FAM124B: variants seen among roughly 807,000 people sequenced by gnomAD.
FAM124B encodes family with sequence similarity 124 member B, also known as protein FAM124B.
Under a neutral mutation model 19.7 loss-of-function variants are expected in FAM124B, and 18 were observed. That is an observed-to-expected ratio of 0.92 (90% CI 0.63 to 1.36). The LOEUF is 1.36. Ranked by LOEUF, FAM124B falls within the 40% of genes most tolerant of loss-of-function variation. The probability of loss-of-function intolerance (pLI) is 0.00; values close to 1 mark genes in which losing one functional copy is unlikely to be tolerated. For synonymous variants in FAM124B, 223 were observed against 225.2 expected (o/e 0.99, Z 0.09); for missense variants, 540 against 553.3 (o/e 0.98, Z 0.24).
In FAM124B at chr2:224,401,054, T is replaced by C; in HGVS notation, c.715A>G (p.Asn239Asp). 2 of 1,601,032 alleles carry C rather than the reference T, an allele frequency of 1.2e-6. No individual in the cohort carries two copies. The highest frequency in any genetic ancestry group is 1.7e-6 in the Non-Finnish European group (2 of 1,172,110). ...AGAAATACCTGAAGCAGAATCTTGT[T>C]GCCATCGTAGTCCTGAGTCTGCCAC... ...TRWQTQDYDG[N>D]KILLQVQLNP... The change falls in exon 1 of 2, where the codon AAC becomes GAC. Residue 239 changes from asparagine (N) to aspartate (D), a missense_variant. By Grantham distance (23) the Asn-to-Asp change is conservative. Coordinates refer to ENST00000409685, the MANE Select transcript of FAM124B (RefSeq NM_001122779.2).
rs1003536186 is a variant in FAM124B at position 224,401,871 on chromosome 2, A to G, written c.-103T>C. On this transcript the variant is annotated 5_prime_UTR_variant, in exon 1 of 2. Coordinates refer to ENST00000409685, the MANE Select transcript of FAM124B (RefSeq NM_001122779.2). The stretch of plus-strand genomic sequence containing the variant: ...CGGCCCAGCCTTCAGCCCGCCTGAA[A>G]ACCTTCAGCTGCAGCGGCTACTTCT... 41 of 1,374,662 alleles carry G rather than the reference A, an allele frequency of 3.0e-5. No individual in the cohort carries two copies. The African/African-American group carries it at 5.8e-4, about 19-fold the overall frequency. The allele number at this position is 1,374,662 out of a possible 1,614,324, so 85.2% of individuals were successfully genotyped here.
At chr2:224,391,125 G>A (rs1173796010) in intron 1 of FAM124B, among the ~76,000 whole-genome samples, 1 of 150,680 alleles carries the variant, frequency 6.6e-6, no homozygotes, top group Non-Finnish European at 1.5e-5. Context: ...GGTGGATCAC[G>A]AGGTCAGGAG....
chr2:224,385,273 G>A (rs1689785764), intron 1 of FAM124B, among the ~76,000 whole-genome samples: 1 of 152,180 alleles, frequency 6.6e-6, no homozygotes, highest in African/African-American at 2.4e-5. Context: ...TATTTCTTGA[G>A]CTCTTGGTAG....
At position 224,379,362 on chromosome 2, in the gene FAM124B, G is replaced by T. The variant is rs1689674271; in HGVS notation, c.*211C>A. On this transcript the variant is annotated 3_prime_UTR_variant, in exon 2 of 2. Transcript: ENST00000409685. ...ATTCGGTTTTTTTCCCTGTGTGTTG[G>T]CTGTGTTCTCTTATGACTGTGACGG... is the stretch of plus-strand genomic sequence containing the variant. The T allele has an allele frequency of 3.0e-6, 2 of 675,620 alleles. No individual in the cohort carries two copies. The highest frequency in any genetic ancestry group is 4.6e-6 in the Non-Finnish European group (2 of 437,612). The allele number at this position is 675,620 out of a possible 1,614,324, so 41.9% of individuals were successfully genotyped here.
chr2:224,391,856 T>C (rs911653642), intron 1 of FAM124B, among the ~76,000 whole-genome samples: 1 of 152,220 alleles, frequency 6.6e-6, no homozygotes, highest in Non-Finnish European at 1.5e-5. Flanking sequence ...CATATAAATG[T>C]TCATTAAATG....
At chr2:224,385,105 C>A (rs1345462074) in intron 1 of FAM124B, among the ~76,000 whole-genome samples, 1 of 152,162 alleles carries the variant, frequency 6.6e-6, no homozygotes, top group Non-Finnish European at 1.5e-5. Context: ...ATTTTCTCTA[C>A]CCATGCCACT....
At chr2:224,396,809 G>A (rs1053110944) in intron 1 of FAM124B, among the ~76,000 whole-genome samples, 1 of 152,206 alleles carries the variant, frequency 6.6e-6, no homozygotes. Flanking sequence ...GTGGGGCAAG[G>A]CACTTGGAAT....
intron 1 of FAM124B, among the ~76,000 whole-genome samples, chr2:224,389,029 C>G (rs922307837): frequency 1.3e-5 from 2 of 152,188 alleles, no homozygotes; most frequent in Admixed American, 6.5e-5. Context: ...ACCTCCCAGG[C>G]TCAACCAATT....
chr2:224,394,094 T>C (rs1689931900), intron 1 of FAM124B, among the ~76,000 whole-genome samples: 1 of 152,048 alleles, frequency 6.6e-6, no homozygotes, highest in African/African-American at 2.4e-5. Flanking sequence ...GACACCACAA[T>C]CTCCTCGTCC....
intron 1 of FAM124B, among the ~76,000 whole-genome samples, chr2:224,391,917 C>T (rs934081451): frequency 3.9e-5 from 6 of 152,018 alleles, no homozygotes; most frequent in South Asian, 2.1e-4. Context: ...AGGTAGATTA[C>T]GAAAAGCTAT....
In FAM124B at chr2:224,401,691, C is replaced by T; in HGVS notation, c.78G>A (p.Arg26=). The T allele has an allele frequency of 6.2e-7, 1 of 1,614,172 alleles. No individual in the cohort carries two copies. Among genetic ancestry groups the T allele is most frequent in the Non-Finnish European group, 8.5e-7 (1 of 1,180,048 alleles). ...TGCAATCCAGGAGCTGGTCCAGAGT[C>T]CTCTGCAGAAGGGAGCCGTGCCCAG... ...ANSGHGSLLQ[R]TLDQLLDCIC... The change falls in exon 1 of 2, where the codon AGG becomes AGA. Residue 26 remains arginine (R), a synonymous_variant. Transcript: ENST00000409685.
intron 1 of FAM124B, among the ~76,000 whole-genome samples, chr2:224,398,889 A>G (rs192712967): frequency 6.6e-5 from 10 of 152,332 alleles, no homozygotes; most frequent in African/African-American, 2.2e-4. Flanking sequence ...AGGCACAAGA[A>G]TTGCTTGAAC....
chr2:224,399,881 G>A (rs7569568), intron 1 of FAM124B: 25,790 of 152,046 alleles, frequency 0.17, 2,410 homozygotes, highest in African/African-American at 0.21. Flanking sequence ...TTTCCTGTAA[G>A]TAAGTATGAG....
intron 1 of FAM124B, 70 bp from the exon 2 acceptor site, chr2:224,380,278 C>T: frequency 7.4e-7 from 1 of 1,345,134 alleles, no homozygotes; most frequent in Non-Finnish European, 1.0e-6. Context: ...GCTGACTATG[C>T]CTTATTCACC....
intron 1 of FAM124B, among the ~76,000 whole-genome samples, chr2:224,389,715 T>C (rs934635879): frequency 2.6e-5 from 4 of 152,118 alleles, no homozygotes; most frequent in African/African-American, 9.6e-5. Flanking sequence ...AATGGTCTTA[T>C]AGGGAGTAGG....
intron 1 of FAM124B, among the ~76,000 whole-genome samples, chr2:224,393,445 G>A (rs902351381): frequency 6.6e-6 from 1 of 152,208 alleles, no homozygotes; most frequent in Admixed American, 6.5e-5. Flanking sequence ...AACCTCTCTA[G>A]CTTCCAGGGA....
chr2:224,400,252 G>A, intron 1 of FAM124B: 1 of 459,832 alleles, frequency 2.2e-6, no homozygotes, highest in Non-Finnish European at 3.9e-6. Context: ...AGAACTTAAA[G>A]TATAATAATA....
chr2:224,390,150 C>CAG (rs1486391942), intron 1 of FAM124B, among the ~76,000 whole-genome samples: 24 of 149,538 alleles, frequency 1.6e-4, no homozygotes, highest in African/African-American at 6.0e-4. Context: ...CACACACACA[C>CAG]ACACACACAG....
intron 1 of FAM124B, among the ~76,000 whole-genome samples, chr2:224,397,915 G>T (rs1224664338): frequency 6.6e-6 from 1 of 152,178 alleles, no homozygotes; most frequent in Non-Finnish European, 1.5e-5. Context: ...CCCAATATCT[G>T]ATGGTTTTAA....
Sources: gnomAD v4.1 joint callset for allele counts (sites outside exome capture counted in the v4.1 genomes callset) on GRCh38, gnomAD v4.1.1 for gene constraint, MANE v1.5 for transcripts, NCBI Gene and HGNC (gene_info 2026-07-23, HGNC 2026-07-21) for gene names.